COBL: variants seen among roughly 807,000 people sequenced by gnomAD.
The protein encoded by COBL is cordon-bleu WH2 repeat protein, also known as protein cordon-bleu.
COBL carries 51 observed loss-of-function variants against 98.8 expected under a neutral mutation model. The ratio of observed to expected loss-of-function variants is 0.52; its 90% confidence interval spans 0.41 to 0.65. COBL has a LOEUF of 0.65. COBL is among the 30% of genes least tolerant of loss of function. COBL has a pLI of 0.00. For synonymous variants in COBL, 634 were observed against 651.7 expected (o/e 0.97, Z 0.41); for missense variants, 1,617 against 1,617.5 (o/e 1.00, Z 0.01).
chr7:51,161,506 T>C (rs573520360), intron 5 of COBL, among the ~76,000 whole-genome samples: 22 of 152,240 alleles, frequency 1.4e-4, no homozygotes, highest in Non-Finnish European at 3.2e-4. Context: ...GGGCTTTTGC[T>C]ATGGAAATCA....
chr7:51,155,752 A>G (rs1011589318), intron 5 of COBL, among the ~76,000 whole-genome samples: 1 of 152,168 alleles, frequency 6.6e-6, no homozygotes, highest in Non-Finnish European at 1.5e-5. Flanking sequence ...TATCCAAGTC[A>G]GTAAACCTAA....
intron 5 of COBL, among the ~76,000 whole-genome samples, chr7:51,159,547 G>A (rs981579214): frequency 6.6e-6 from 1 of 152,170 alleles, no homozygotes; most frequent in African/African-American, 2.4e-5. Flanking sequence ...ACAAAGAGCA[G>A]GGGAAGGCCA....
intron 2 of COBL, among the ~76,000 whole-genome samples, chr7:51,211,667 T>C (rs1371043392): frequency 6.6e-6 from 1 of 152,188 alleles, no homozygotes; most frequent in African/African-American, 2.4e-5. Context: ...CAAAGCAACA[T>C]CTTTGAAGCA....
chr7:51,025,016 C>A (rs986237701), intron 12 of COBL, 93 bp downstream of exon 12: 54 of 1,559,594 alleles, frequency 3.5e-5, no homozygotes, highest in Middle Eastern at 4.7e-4. Context: ...GACCGCCTCG[C>A]AGCTCCTGCC....
intron 12 of COBL, among the ~76,000 whole-genome samples, chr7:51,023,267 A>T (rs2128863867): frequency 6.6e-6 from 1 of 152,360 alleles, no homozygotes; most frequent in Non-Finnish European, 1.5e-5. Context: ...ATTCCACAGG[A>T]ATAAAAAAGC....
intron 6 of COBL, among the ~76,000 whole-genome samples, chr7:51,087,119 A>AACAC (rs148428247): frequency 0.046 from 6,896 of 149,470 alleles, 181 homozygotes; most frequent in Middle Eastern, 0.068. Context: ...CATACACACA[A>AACAC]ACACACACAC....
At chr7:51,243,805 C>A (rs890646197) in intron 1 of COBL, among the ~76,000 whole-genome samples, 2 of 151,790 alleles carry the variant, frequency 1.3e-5, no homozygotes, top group Middle Eastern at 3.4e-3. Flanking sequence ...GGTGAAGGAG[C>A]GGTGCCGTGT....
At chr7:51,139,308 C>T (rs1379817047) in intron 5 of COBL, among the ~76,000 whole-genome samples, 2 of 152,148 alleles carry the variant, frequency 1.3e-5, no homozygotes, top group African/African-American at 4.8e-5. Flanking sequence ...TTTTGGGTGG[C>T]CATGACCTCA....
intron 8 of COBL, chr7:51,035,798 C>T (rs965852155): frequency 6.6e-6 from 1 of 152,202 alleles, no homozygotes; most frequent in Non-Finnish European, 1.5e-5. Flanking sequence ...TTGGCAAGCG[C>T]TCGGCAGCCA....
chr7:51,266,070 T>G (rs1231334284), intron 1 of COBL, among the ~76,000 whole-genome samples: 1 of 152,174 alleles, frequency 6.6e-6, no homozygotes, highest in Non-Finnish European at 1.5e-5. Context: ...AAAGGCAAAT[T>G]CTGATGTTTT....
chr7:51,212,594 C>A (rs1003899765), intron 2 of COBL, among the ~76,000 whole-genome samples: 4 of 152,284 alleles, frequency 2.6e-5, no homozygotes, highest in South Asian at 2.1e-4. Context: ...TGCCAAGGGC[C>A]GTTCTTGAGC....
chr7:51,136,991 C>T (rs1799294833), intron 5 of COBL, among the ~76,000 whole-genome samples: 1 of 152,190 alleles, frequency 6.6e-6, no homozygotes, highest in South Asian at 2.1e-4. Flanking sequence ...ACAGGACACA[C>T]AAACTTTTTG....
chr7:51,105,055 C>T (rs1244878821), intron 6 of COBL, among the ~76,000 whole-genome samples: 1 of 151,982 alleles, frequency 6.6e-6, no homozygotes, highest in African/African-American at 2.4e-5. Flanking sequence ...GGTAATGAAA[C>T]TTAGGTGACG....
chr7:51,314,918 GAA>G (rs889095298), intron 1 of COBL, among the ~76,000 whole-genome samples: 2 of 152,210 alleles, frequency 1.3e-5, no homozygotes, highest in Non-Finnish European at 2.9e-5. Context: ...GTACCAGGCT[GAA>G]AAGAGTGCCA....
intron 1 of COBL, among the ~76,000 whole-genome samples, chr7:51,300,273 G>A (rs909723911): frequency 1.3e-5 from 2 of 152,096 alleles, no homozygotes; most frequent in African/African-American, 2.4e-5. Flanking sequence ...CAATTCTCCT[G>A]CCTCAGCCTC....
intron 1 of COBL, among the ~76,000 whole-genome samples, chr7:51,306,368 G>A (rs947964933): frequency 6.6e-6 from 1 of 152,114 alleles, no homozygotes; most frequent in Non-Finnish European, 1.5e-5. Context: ...TTGGAGCAAG[G>A]GCTGTATAAA....
At chr7:51,135,165 T>A (rs1340279874) in intron 6 of COBL, among the ~76,000 whole-genome samples, 1 of 152,174 alleles carries the variant, frequency 6.6e-6, no homozygotes. Context: ...TTTCACCATG[T>A]TGGCCATGGT....
At chr7:51,288,136 A>G (rs1584411096) in intron 1 of COBL, among the ~76,000 whole-genome samples, 1 of 152,172 alleles carries the variant, frequency 6.6e-6, no homozygotes, top group Non-Finnish European at 1.5e-5. Context: ...AGTAAAATTT[A>G]AAAAATACAA....
At chr7:51,047,175 T>C (rs1375611140) in intron 7 of COBL, among the ~76,000 whole-genome samples, 1 of 152,272 alleles carries the variant, frequency 6.6e-6, no homozygotes, top group African/African-American at 2.4e-5. Flanking sequence ...AAGTTATTAC[T>C]GCAGGATTTT....
Sources: allele counts gnomAD v4.1 joint callset (sites outside exome capture counted in the v4.1 genomes callset), GRCh38; gene constraint gnomAD v4.1.1; transcripts MANE v1.5; gene names NCBI Gene and HGNC (gene_info 2026-07-23, HGNC 2026-07-21).